ZNF786: variants seen among roughly 807,000 people sequenced by gnomAD.
ZNF786 encodes zinc finger protein 786.
A neutral mutation model predicts 63.1 loss-of-function variants in ZNF786; 56 were observed. The ratio of observed to expected loss-of-function variants is 0.89; its 90% CI spans 0.72 to 1.11. The LOEUF (loss-of-function observed/expected upper bound fraction) is 1.11, where lower values mean the gene tolerates loss of function less well. Among genes scored for constraint, ZNF786 ranks in the 50% least tolerant of loss-of-function variants. The probability of loss-of-function intolerance (pLI) is 0.00; values close to 1 mark genes in which losing one functional copy is unlikely to be tolerated. For synonymous variants in ZNF786, 485 were observed against 406.9 expected (o/e 1.19, Z -2.31); for missense variants, 1,213 against 1,041.8 (o/e 1.16, Z -2.26).
chr7:149,076,923 G>A (rs1413825668), intron 2 of ZNF786, among the ~76,000 whole-genome samples: 1 of 152,014 alleles, frequency 6.6e-6, no homozygotes. Context: ...CATAAGCATT[G>A]ACAGTTCTTG....
chr7:149,081,990 T>C (rs140377317), intron 1 of ZNF786, among the ~76,000 whole-genome samples: 1 of 152,168 alleles, frequency 6.6e-6, no homozygotes, highest in African/African-American at 2.4e-5. Context: ...AAGAACTCAG[T>C]ACCTTTTACA....
At chr7:149,075,656 T>TTTTG (rs1825532998) in intron 2 of ZNF786, among the ~76,000 whole-genome samples, 2 of 29,068 alleles carry the variant, frequency 6.9e-5, no homozygotes, top group African/African-American at 1.3e-4. Flanking sequence ...ACACTTCAGG[T>TTTTG]TTTTTTTTTT....
At chr7:149,089,841 G>C (rs898657018) in intron 1 of ZNF786, among the ~76,000 whole-genome samples, 4 of 151,932 alleles carry the variant, frequency 2.6e-5, no homozygotes, top group Non-Finnish European at 4.4e-5. Context: ...AGCCTCCCGA[G>C]TAGCTGGGAT....
chr7:149,080,252 GGTTAAAGAT>G (rs918846640), intron 2 of ZNF786, among the ~76,000 whole-genome samples: 5 of 152,070 alleles, frequency 3.3e-5, no homozygotes, highest in Non-Finnish European at 5.9e-5. Flanking sequence ...GGACATCCTA[GGTTAAAGAT>G]ATACAGAGCA....
chr7:149,075,522 G>GGCAT (rs1449950170), intron 2 of ZNF786, among the ~76,000 whole-genome samples: 1 of 152,006 alleles, frequency 6.6e-6, no homozygotes, highest in Non-Finnish European at 1.5e-5. Flanking sequence ...TGCGATTACA[G>GGCAT]GCATGAGCCA....
chr7:149,074,660 A>C (rs999879281), intron 2 of ZNF786, 122 bp from the exon 3 acceptor site: 30 of 1,157,824 alleles, frequency 2.6e-5, no homozygotes, highest in Non-Finnish European at 3.3e-5. Flanking sequence ...AAAAAAAAAA[A>C]CAGGTTTACA....
rs1165508318 is a variant in ZNF786 at position 149,071,118 on chromosome 7, G to A, written c.1654C>T (p.Leu552=). The change falls in exon 4 of 4, where the codon CTG becomes TTG. Residue 552 remains leucine (L), a synonymous_variant. Transcript: ENST00000491431. ...CTGTGCGTGTGCTGGTGGGCCTTCA[G>A]GATGCCCTTCAGGCGGAAGCGCTTG... The part of the protein sequence containing the change: ...CDKRFRLKGI[L]KAHQHTHSKE... The A allele has an allele frequency of 1.2e-6, 2 of 1,610,512 alleles. No individual in the cohort carries two copies. Among genetic ancestry groups the A allele is most frequent in the Non-Finnish European group, 1.7e-6 (2 of 1,178,738 alleles).
rs935492934 is a variant in ZNF786, at chr7:149,084,223, G to A, written c.19-3506C>T. ...TAAAAATACAAAAAATTAGCTGGGC[G>A]TGGTGGCACGCGCTTGTAATCCCAG... is the stretch of plus-strand genomic sequence containing the variant. On this transcript the variant is annotated intron_variant, in intron 1 of 3. Transcript: ENST00000491431. Among the ~76,000 whole-genome samples the A allele has an allele frequency of 3.3e-5, 5 of 151,958 alleles. No homozygotes were observed. In the South Asian group the frequency reaches 6.2e-4, roughly 19 times the overall value.
At position 149,072,073 on chromosome 7, in the gene ZNF786, GC is replaced by G. The variant is rs1444283563; in HGVS notation, c.698del (p.Ser233ThrfsTer49). 19 of 1,613,086 alleles carry G rather than the reference GC, an allele frequency of 1.2e-5. No homozygotes were observed. Among genetic ancestry groups the G allele is most frequent in the Non-Finnish European group, 1.4e-5 (17 of 1,179,710 alleles). On this transcript the variant is annotated frameshift_variant, in exon 4 of 4. Coordinates refer to ENST00000491431, the MANE Select transcript of ZNF786 (RefSeq NM_152411.4). LOFTEE classifies it high-confidence loss of function. The stretch of plus-strand genomic sequence containing the variant: ...ACCGGAAGTGCCTCTGTACCCGAGG[GC>G]TGCTCCACGGCATCTGCGTCTCCGC... ...KRAETQMPWS[S>X]PRVQRHFRCG... is the part of the protein sequence containing the mutation.
At chr7:149,079,935 A>T (rs1825623163) in intron 2 of ZNF786, among the ~76,000 whole-genome samples, 1 of 148,444 alleles carries the variant, frequency 6.7e-6, no homozygotes, top group African/African-American at 2.5e-5. Flanking sequence ...GCACTTTGGG[A>T]GGCCGAGGTG....
At position 149,070,356 on chromosome 7, in the gene ZNF786, G is replaced by A. The variant is rs1483261016; in HGVS notation, c.*67C>T. Reference sequence around the variant, plus strand: ...TAAAACCCGTCTACCAGCGGGTCTGGCTACTGTTGCTGTGGATTCCTGGGC... The same window carrying A: ...TAAAACCCGTCTACCAGCGGGTCTGACTACTGTTGCTGTGGATTCCTGGGC... On this transcript the variant is annotated 3_prime_UTR_variant, in exon 4 of 4. Coordinates refer to ENST00000491431, the MANE Select transcript of ZNF786 (RefSeq NM_152411.4). The A allele has an allele frequency of 1.3e-6, 2 of 1,566,174 alleles. No individual in the cohort carries two copies. The highest frequency in any genetic ancestry group is 1.7e-6 in the Non-Finnish European group (2 of 1,153,974).
intron 3 of ZNF786, 26 bp from the exon 4 acceptor site, chr7:149,072,499 C>T (rs374292689): frequency 7.1e-6 from 11 of 1,540,830 alleles, no homozygotes; most frequent in Admixed American, 4.0e-5. Context: ...AAAATTCAGT[C>T]GGTATTCCTG....
At chr7:149,078,133 G>T (rs893901419) in intron 2 of ZNF786, among the ~76,000 whole-genome samples, 4 of 150,834 alleles carry the variant, frequency 2.7e-5, no homozygotes, top group African/African-American at 7.3e-5. Context: ...AAAGTGCTGG[G>T]ATTACAGGCG....
chr7:149,084,373 A>G (rs965749877), intron 1 of ZNF786, among the ~76,000 whole-genome samples: 55 of 151,272 alleles, frequency 3.6e-4, no homozygotes, highest in African/African-American at 1.3e-3. Flanking sequence ...AAAAAAAAAA[A>G]GTTAATTTTG....
chr7:149,083,394 T>A (rs1173619311), intron 1 of ZNF786, among the ~76,000 whole-genome samples: 2 of 151,980 alleles, frequency 1.3e-5, no homozygotes, highest in African/African-American at 4.8e-5. Flanking sequence ...TTTTTGTATC[T>A]TTAGTAGAGA....
At position 149,071,923 on chromosome 7, in the gene ZNF786, A is replaced by G. The variant is rs1585460449; in HGVS notation, c.849T>C (p.His283=). 1.2e-6 allele frequency: 2 copies of G among 1,607,828 alleles called. No homozygotes were observed. Among genetic ancestry groups the G allele is most frequent in the East Asian group, 2.2e-5 (1 of 44,790 alleles). The change falls in exon 4 of 4, where the codon CAT becomes CAC. Residue 283 remains histidine, a synonymous_variant. Transcript: ENST00000491431. ...CCTGCTGCGGGAGGCGGTGGCTGGG[A>G]TGGGTCAGCTCGTGTCGGAAGCACA... ...GEMCFRHELT[H]PSHRLPQQGE...
intron 1 of ZNF786, among the ~76,000 whole-genome samples, chr7:149,081,669 T>G (rs957134894): frequency 2.6e-5 from 4 of 152,156 alleles, no homozygotes; most frequent in African/African-American, 9.6e-5. Context: ...CAAGATGTTC[T>G]CAAACCTTAT....
chr7:149,079,975 C>T (rs1250885175), intron 2 of ZNF786, among the ~76,000 whole-genome samples: 1 of 151,036 alleles, frequency 6.6e-6, no homozygotes, highest in Non-Finnish European at 1.5e-5. Context: ...AGATTAAGAC[C>T]ATCCTGTCCA....
rs182063701 is a variant in ZNF786 at position 149,072,542 on chromosome 7, G to A, written c.299-69C>T. 38 of 1,463,038 alleles carry A rather than the reference G, an allele frequency of 2.6e-5. No individual in the cohort carries two copies. The African/African-American group carries it at 4.5e-4, about 17-fold the overall frequency. The allele number at this position is 1,463,038 out of a possible 1,614,324, so 90.6% of individuals were successfully genotyped here. On this transcript the variant is annotated intron_variant, in intron 3 of 3. Transcript: ENST00000491431. ...CACTACTAGCGATTCTCACAGTCAAGTGACCCACAAGAGTGCCTTGTGGTG... is the reference window on the plus strand; with the variant it reads ...CACTACTAGCGATTCTCACAGTCAAATGACCCACAAGAGTGCCTTGTGGTG...
Sources: gnomAD v4.1 joint callset for allele counts (sites outside exome capture counted in the v4.1 genomes callset) on GRCh38, gnomAD v4.1.1 for gene constraint, MANE v1.5 for transcripts, NCBI Gene and HGNC (gene_info 2026-07-23, HGNC 2026-07-21) for gene names.